KCNH8: variants seen among roughly 807,000 people sequenced by gnomAD.
KCNH8 encodes voltage-gated delayed rectifier potassium channel KCNH8.
Under a neutral mutation model 103.6 loss-of-function variants are expected in KCNH8, and 70 were observed. That is an observed-to-expected ratio of 0.68 (90% CI 0.56 to 0.82). The LOEUF is 0.82. Among genes scored for constraint, KCNH8 ranks in the 40% least tolerant of loss-of-function variants. The pLI, the probability that KCNH8 is intolerant of heterozygous loss-of-function variation, is 0.00. For synonymous variants in KCNH8, 498 were observed against 489.4 expected (o/e 1.02, Z -0.23); for missense variants, 1,217 against 1,329.9 (o/e 0.92, Z 1.32).
intron 3 of KCNH8, among the ~76,000 whole-genome samples, chr3:19,300,867 T>C (rs559547304): frequency 5.3e-5 from 8 of 151,760 alleles, no homozygotes; most frequent in Non-Finnish European, 8.8e-5. Context: ...TCCTTTTAGT[T>C]TTATTTCATT....
chr3:19,360,456 AT>A (rs1458386498), intron 5 of KCNH8, among the ~76,000 whole-genome samples: 1 of 151,984 alleles, frequency 6.6e-6, no homozygotes, highest in Non-Finnish European at 1.5e-5. Flanking sequence ...AATTACTCAT[AT>A]TCTTTTGTAT....
intron 3 of KCNH8, among the ~76,000 whole-genome samples, chr3:19,321,798 T>C (rs534101780): frequency 2.0e-5 from 3 of 152,238 alleles, no homozygotes; most frequent in East Asian, 1.9e-4. Context: ...CCCACTATTA[T>C]TGTGTTGCTG....
At chr3:19,171,973 G>A (rs2125194652) in intron 1 of KCNH8, among the ~76,000 whole-genome samples, 1 of 152,254 alleles carries the variant, frequency 6.6e-6, no homozygotes, top group Middle Eastern at 3.4e-3. Flanking sequence ...TCTCATCTGA[G>A]TATAGTGATT....
intron 1 of KCNH8, among the ~76,000 whole-genome samples, chr3:19,155,623 C>A (rs1021913133): frequency 4.6e-5 from 7 of 152,208 alleles, no homozygotes; most frequent in African/African-American, 1.7e-4. Flanking sequence ...CACTGTCTCC[C>A]AGGCTACACA....
chr3:19,513,244 A>G lies in KCNH8; in HGVS notation c.2354A>G (p.Asn785Ser), dbSNP rs1284761643. Residue 785 changes from asparagine to serine, a missense_variant, in exon 13 of 16, where the codon AAC becomes AGC. Physicochemically the swap from Asn to Ser is conservative, Grantham distance 46. Coordinates refer to ENST00000328405, the MANE Select transcript of KCNH8 (RefSeq NM_144633.3). ...ACCAAGCAGGAAATTGACCCCCCCA[A>G]CCATAATAAAAGGAAAGAGAAGAAC... ...PKTKQEIDPP[N>S]HNKRKEKNLK... 4 of 1,613,598 alleles carry G rather than the reference A, an allele frequency of 2.5e-6. No homozygotes were observed. In the South Asian group the frequency reaches 4.4e-5, roughly 18 times the overall value.
Position 19,376,427 on chromosome 3 carries a change from G to A in KCNH8, c.812-14054G>A, listed in dbSNP as rs980943672. Among the ~76,000 whole-genome samples, 150 of 152,256 alleles carry A rather than the reference G, an allele frequency of 9.9e-4. 1 individual carries two copies. Among genetic ancestry groups the A allele is most frequent in the African/African-American group, 3.4e-3 (140 of 41,554 alleles). On this transcript the variant is annotated intron_variant, in intron 5 of 15. Coordinates refer to ENST00000328405, the MANE Select transcript of KCNH8 (RefSeq NM_144633.3). ...AACTCCCTGACCCCTTGCGCTTCCC[G>A]AGTGAGGCAATGCCTCTCCCTGCTT...
intron 1 of KCNH8, among the ~76,000 whole-genome samples, chr3:19,162,873 T>C (rs1220410752): frequency 6.6e-6 from 1 of 152,166 alleles, no homozygotes; most frequent in East Asian, 1.9e-4. Flanking sequence ...AAGTATATAA[T>C]TCAGAATATT....
chr3:19,505,052 A>C (rs2068665251), intron 11 of KCNH8, among the ~76,000 whole-genome samples: 2 of 150,256 alleles, frequency 1.3e-5, no homozygotes, highest in South Asian at 4.2e-4. Flanking sequence ...CTATATATAT[A>C]CACACACAAT....
chr3:19,374,732 G>T (rs1269011509), intron 5 of KCNH8, among the ~76,000 whole-genome samples: 2 of 152,146 alleles, frequency 1.3e-5, no homozygotes, highest in Admixed American at 6.5e-5. Context: ...TGATTTTGCA[G>T]TGGCTGGTAC....
chr3:19,507,951 G>A (rs183091895), intron 11 of KCNH8, among the ~76,000 whole-genome samples: 2 of 152,216 alleles, frequency 1.3e-5, no homozygotes, highest in Middle Eastern at 3.4e-3. Context: ...GACTAATCTG[G>A]GTTATTATCA....
intron 1 of KCNH8, among the ~76,000 whole-genome samples, chr3:19,239,966 C>T (rs1575460847): frequency 6.6e-6 from 1 of 152,222 alleles, no homozygotes; most frequent in East Asian, 1.9e-4. Flanking sequence ...TTCAGTATCA[C>T]AACCAATGCC....
At chr3:19,522,134 C>T (rs1315223887) in intron 15 of KCNH8, among the ~76,000 whole-genome samples, 1 of 151,608 alleles carries the variant, frequency 6.6e-6, no homozygotes, top group Non-Finnish European at 1.5e-5. Flanking sequence ...GAATCTTAAA[C>T]ATACTATGGA....
intron 11 of KCNH8, among the ~76,000 whole-genome samples, chr3:19,488,453 A>G (rs555645652): frequency 6.6e-6 from 1 of 152,290 alleles, no homozygotes; most frequent in African/African-American, 2.4e-5. Context: ...CTGTTTTTGC[A>G]ATTTTTTCCT....
intron 2 of KCNH8, among the ~76,000 whole-genome samples, chr3:19,279,287 T>C (rs1447188374): frequency 6.6e-6 from 1 of 152,088 alleles, no homozygotes; most frequent in Non-Finnish European, 1.5e-5. Flanking sequence ...TATGGCTCAT[T>C]TATGAGGCTT....
At chr3:19,280,397 C>A (rs931647581) in intron 2 of KCNH8, among the ~76,000 whole-genome samples, 2 of 152,090 alleles carry the variant, frequency 1.3e-5, no homozygotes, top group Non-Finnish European at 2.9e-5. Flanking sequence ...CAGCATCCTA[C>A]AACTCCCAGA....
At chr3:19,308,727 TCC>T (rs1408790912) in intron 3 of KCNH8, among the ~76,000 whole-genome samples, 3 of 28,808 alleles carry the variant, frequency 1.0e-4, no homozygotes, top group East Asian at 7.1e-4. Context: ...TCCCCCTCTC[TCC>T]CTCTCTCCCT....
At chr3:19,463,656 C>G (rs1373628545) in intron 11 of KCNH8, among the ~76,000 whole-genome samples, 1 of 152,096 alleles carries the variant, frequency 6.6e-6, no homozygotes, top group Non-Finnish European at 1.5e-5. Context: ...AGAATATAGT[C>G]TTGTGTATCC....
At chr3:19,495,327 G>C (rs1288822635) in intron 11 of KCNH8, among the ~76,000 whole-genome samples, 1 of 151,990 alleles carries the variant, frequency 6.6e-6, no homozygotes. Context: ...TTATACTTTT[G>C]GGTTTCACAT....
At chr3:19,497,258 A>G (rs1285565724) in intron 11 of KCNH8, among the ~76,000 whole-genome samples, 1 of 151,892 alleles carries the variant, frequency 6.6e-6, no homozygotes, top group Non-Finnish European at 1.5e-5. Context: ...GTTTAGCTCT[A>G]ATTTTGGTTA....
Sources: gnomAD v4.1 joint callset for allele counts (sites outside exome capture counted in the v4.1 genomes callset) on GRCh38, gnomAD v4.1.1 for gene constraint, MANE v1.5 for transcripts, NCBI Gene and HGNC (gene_info 2026-07-23, HGNC 2026-07-21) for gene names.